The following OLR1 variants were observed in gnomAD, a reference collection of about 807,000 sequenced individuals.
The protein encoded by OLR1 is oxidized low-density lipoprotein receptor 1.
OLR1 carries 23 observed loss-of-function variants against 31.7 expected under a neutral mutation model. The observed-to-expected ratio is 0.72, with a 90% CI of 0.52 to 1.03. OLR1 has a LOEUF of 1.03. OLR1 is among the 50% of genes least tolerant of loss of function. The pLI, the probability that OLR1 is intolerant of heterozygous loss-of-function variation, is 0.00. For synonymous variants in OLR1, 117 were observed against 115.8 expected, an observed-to-expected ratio of 1.01 and a Z score of -0.07; for missense variants, 286 against 315.7, an observed-to-expected ratio of 0.91 and a Z score of 0.71.
chr12:10,171,104 T>C (rs1948711989), intron 1 of OLR1, among the ~76,000 whole-genome samples: 1 of 152,240 alleles, frequency 6.6e-6, no homozygotes, highest in Non-Finnish European at 1.5e-5. Context: ...CACTTCTGGT[T>C]TTACCTATAA....
At chr12:10,162,554 G>A (rs1200292132) in intron 3 of OLR1, among the ~76,000 whole-genome samples, 1 of 152,200 alleles carries the variant, frequency 6.6e-6, no homozygotes, top group Non-Finnish European at 1.5e-5. Context: ...TTGGCTGGGG[G>A]TGGTGGCTCA....
chr12:10,161,924 G>GATATATATATATATATATATATAT (rs34054558), intron 3 of OLR1, among the ~76,000 whole-genome samples: 1 of 67,936 alleles, frequency 1.5e-5, no homozygotes, highest in Non-Finnish European at 3.2e-5. Flanking sequence ...AAATTTTAAT[G>GATATATATATATATATATATATAT]ATATATATAT....
chr12:10,160,426 G>A lies in OLR1; in HGVS notation c.601C>T (p.Pro201Ser). ...IQQAISYSSFPFWMGLSRRNP... is the reference protein window; with the variant it reads ...IQQAISYSSFSFWMGLSRRNP... ...CTCCGAGACAGCCCCATCCAGAATG[G>A]AAAACTGGAATAGGAAATTGCTTGC... The change falls in exon 5 of 6, where the codon CCA becomes TCA. Residue 201 changes from proline (P) to serine (S), a missense_variant. Coordinates refer to ENST00000309539, the MANE Select transcript of OLR1 (RefSeq NM_002543.4). 6.2e-7 allele frequency: 1 copy of A among 1,613,784 alleles called. No individual in the cohort carries two copies. The highest frequency in any genetic ancestry group is 8.5e-7 in the Non-Finnish European group (1 of 1,179,870).
rs1437261724 is a variant in OLR1, at chr12:10,166,918, T to C, written c.218A>G (p.Asn73Ser). ...VSDLLTQEQANLTHQKKKLEG... is the reference protein window; with the variant it reads ...VSDLLTQEQASLTHQKKKLEG... ...CAGTTTCTTTTTCTGGTGAGTTAGG[T>C]TTGCTTGCTCTTGTGTTAGGAGGTC... Residue 73 changes from asparagine to serine, a missense_variant, in exon 3 of 6, where the codon AAC becomes AGC. By Grantham distance (46) the Asn-to-Ser change is conservative. Coordinates refer to ENST00000309539, the MANE Select transcript of OLR1 (RefSeq NM_002543.4). 1.9e-6 allele frequency: 3 copies of C among 1,613,602 alleles called. No individual in the cohort carries two copies. The highest frequency in any genetic ancestry group is 2.5e-6 in the Non-Finnish European group (3 of 1,179,970).
chr12:10,160,692 C>A (rs190696901), intron 4 of OLR1, 94 bp downstream of exon 4: 11 of 1,487,138 alleles, frequency 7.4e-6, no homozygotes, highest in Non-Finnish European at 1.0e-5. Flanking sequence ...GACATTTTGG[C>A]TCTCAAACAA....
chr12:10,171,954 G>C (rs1483581180), intron 1 of OLR1, 48 bp downstream of exon 1: 1 of 1,388,082 alleles, frequency 7.2e-7, no homozygotes, highest in Admixed American at 1.7e-5. Flanking sequence ...ACATTTTGGG[G>C]CTAACACTGG....
At chr12:10,169,309 C>T in intron 1 of OLR1, 134 bp from the exon 2 acceptor site, 1 of 522,080 alleles carries the variant, frequency 1.9e-6, no homozygotes, top group South Asian at 3.4e-5. Flanking sequence ...AGTTTGCATT[C>T]CATACCACTA....
chr12:10,173,553 G>C (rs1040173664), upstream of OLR1, among the ~76,000 whole-genome samples: 1 of 151,742 alleles, frequency 6.6e-6, no homozygotes, highest in Non-Finnish European at 1.5e-5. Flanking sequence ...GCTGAGGGGG[G>C]GGGTGGATCA....
upstream of OLR1, among the ~76,000 whole-genome samples, chr12:10,174,210 G>A (rs991068487): frequency 2.6e-5 from 4 of 152,014 alleles, no homozygotes; most frequent in East Asian, 1.9e-4. Context: ...ACAGGTGCCC[G>A]CCACCCCTCC....
chr12:10,161,948 A>T (rs913388954), intron 3 of OLR1, among the ~76,000 whole-genome samples: 69 of 128,764 alleles, frequency 5.4e-4, no homozygotes, highest in African/African-American at 1.3e-3. Flanking sequence ...TATATATAAA[A>T]AACACATACT....
chr12:10,169,245 C>G (rs565074798), intron 1 of OLR1, 70 bp from the exon 2 acceptor site: 1 of 1,065,874 alleles, frequency 9.4e-7, no homozygotes, highest in Non-Finnish European at 1.4e-6. Flanking sequence ...TTCCTTGGAG[C>G]CTGTCTGTAC....
chr12:10,163,643 C>T (rs1948637449), intron 3 of OLR1, among the ~76,000 whole-genome samples: 1 of 150,950 alleles, frequency 6.6e-6, no homozygotes. Context: ...TCTCAAAGCT[C>T]TTTGGTGGGC....
At chr12:10,167,468 A>AC (rs1241027350) in intron 2 of OLR1, 1 of 152,676 alleles carries the variant, frequency 6.5e-6, no homozygotes, top group African/African-American at 2.4e-5. Flanking sequence ...AACAACAACA[A>AC]AAAAAACCCA....
chr12:10,166,452 CA>C (rs1457645443), intron 3 of OLR1, among the ~76,000 whole-genome samples: 4 of 151,142 alleles, frequency 2.6e-5, no homozygotes, highest in African/African-American at 7.3e-5. Flanking sequence ...CACTTGAACC[CA>C]GGGGGTGGAG....
chr12:10,175,111 T>C (rs1430449971), upstream of OLR1, among the ~76,000 whole-genome samples: 1 of 152,172 alleles, frequency 6.6e-6, no homozygotes, highest in Non-Finnish European at 1.5e-5. Context: ...CTCCTGGTGT[T>C]CATGATCTTG....
chr12:10,161,380 G>A (rs1456068179), intron 3 of OLR1, among the ~76,000 whole-genome samples: 1 of 152,016 alleles, frequency 6.6e-6, no homozygotes, highest in East Asian at 1.9e-4. Flanking sequence ...AGAAAGTGAG[G>A]GTTGGGAGAA....
At chr12:10,171,938 G>A (rs2137529128) in intron 1 of OLR1, 64 bp downstream of exon 1, 2 of 1,231,934 alleles carry the variant, frequency 1.6e-6, no homozygotes, top group East Asian at 2.3e-5. Context: ...ATTCTTCGGT[G>A]AATTTACATT....
rs749991493 is a variant in OLR1 at position 10,166,729 on chromosome 12, C to G, written c.407G>C (p.Arg136Thr). The change falls in exon 3 of 6, where the codon AGA becomes ACA. Residue 136 changes from arginine to threonine, a missense_variant. By Grantham distance (71) the Arg-to-Thr change is moderately conservative. Transcript: ENST00000309539. ...CCCAATACCTGAACAATTTGCTACT[C>G]TCTTCAGTGTTTCTTGGAGATTCAG... is the stretch of plus-strand genomic sequence containing the variant. ...QNLNLQETLK[R>T]VANCSAPCPQ... 2 of 1,614,066 alleles carry G rather than the reference C, an allele frequency of 1.2e-6. No homozygotes were observed. The highest frequency in any genetic ancestry group is 1.1e-5 in the South Asian group (1 of 91,086).
intron 1 of OLR1, among the ~76,000 whole-genome samples, chr12:10,171,529 A>G (rs918473296): frequency 3.3e-5 from 5 of 152,152 alleles, no homozygotes; most frequent in Non-Finnish European, 5.9e-5. Flanking sequence ...TGCCTGAAGG[A>G]CTCTTACAGA....
Sources: allele counts gnomAD v4.1 joint callset (sites outside exome capture counted in the v4.1 genomes callset), GRCh38; gene constraint gnomAD v4.1.1; transcripts MANE v1.5; gene names NCBI Gene and HGNC (gene_info 2026-07-23, HGNC 2026-07-21).